LRRC2: variants seen among roughly 807,000 people sequenced by gnomAD.
The protein encoded by LRRC2 is leucine rich repeat containing 2, also known as leucine-rich repeat-containing protein 2.
In LRRC2, 27 loss-of-function variants were observed where a neutral mutation model predicts 40.2. The ratio of observed to expected loss-of-function variants is 0.67; its 90% CI spans 0.49 to 0.93. The LOEUF (loss-of-function observed/expected upper bound fraction) is 0.93. LRRC2 is among the 40% of genes least tolerant of loss of function. The pLI is 0.00. For missense variants in LRRC2, 402 were observed against 439.6 expected, an observed-to-expected ratio of 0.91 and a Z score of 0.76; for synonymous variants, 147 against 158.9, an observed-to-expected ratio of 0.92 and a Z score of 0.56.
chr3:46,543,830 T>C (rs1704459608), intron 3 of LRRC2, among the ~76,000 whole-genome samples: 1 of 151,910 alleles, frequency 6.6e-6, no homozygotes, highest in African/African-American at 2.4e-5. Flanking sequence ...TGCCCTAGAA[T>C]AGGCAGCCCG....
At chr3:46,561,268 G>A (rs527815548) in intron 1 of LRRC2, among the ~76,000 whole-genome samples, 1 of 152,292 alleles carries the variant, frequency 6.6e-6, no homozygotes, top group South Asian at 2.1e-4. Context: ...GCTGGGTGCA[G>A]TGGCTCCCAC....
intron 6 of LRRC2, 91 bp downstream of exon 6, chr3:46,529,814 C>T: frequency 1.5e-6 from 2 of 1,304,450 alleles, no homozygotes; most frequent in Non-Finnish European, 2.1e-6. Context: ...TTCCAAAGAA[C>T]ATTCATGTAC....
At chr3:46,541,129 C>A (rs1482099253) in intron 3 of LRRC2, among the ~76,000 whole-genome samples, 2 of 151,998 alleles carry the variant, frequency 1.3e-5, no homozygotes, top group Non-Finnish European at 2.9e-5. Context: ...GTCAGGAGAT[C>A]GAGACCATCC....
chr3:46,552,214 A>G (rs1704671934), intron 1 of LRRC2, among the ~76,000 whole-genome samples: 1 of 152,078 alleles, frequency 6.6e-6, no homozygotes, highest in Non-Finnish European at 1.5e-5. Flanking sequence ...ATTCACTAGT[A>G]TATGTACCTA....
At chr3:46,547,474 CCT>C (rs1483844097) in intron 2 of LRRC2, among the ~76,000 whole-genome samples, 2 of 151,670 alleles carry the variant, frequency 1.3e-5, no homozygotes, top group Admixed American at 1.3e-4. Context: ...AAGTGAGACC[CCT>C]GTCTCTACAA....
At chr3:46,541,192 G>C (rs1704380786) in intron 3 of LRRC2, among the ~76,000 whole-genome samples, 1 of 152,058 alleles carries the variant, frequency 6.6e-6, no homozygotes, top group Admixed American at 6.5e-5. Flanking sequence ...CATTAGCCGG[G>C]CGTGGTGGCG....
chr3:46,519,409 G>A (rs551524069), intron 8 of LRRC2, among the ~76,000 whole-genome samples: 2 of 152,274 alleles, frequency 1.3e-5, no homozygotes, highest in Admixed American at 6.5e-5. Flanking sequence ...CACGGACTTG[G>A]GACTGTGGCT....
In LRRC2 at chr3:46,517,297, T is replaced by A. The variant is rs922158435; in HGVS notation, c.*1717A>T. The A allele has an allele frequency of 2.0e-5, 3 of 150,834 alleles. No homozygotes were observed. The highest frequency in any genetic ancestry group is 7.3e-5 in the African/African-American group (3 of 41,016). 9.3% of individuals were successfully genotyped at this position (150,834 alleles called of 1,614,324 possible). A position where few individuals can be genotyped will look rare whatever the true frequency, so the allele number is the denominator to read the frequency against. On this transcript the variant is annotated 3_prime_UTR_variant, in exon 9 of 9. Coordinates refer to ENST00000395905, the MANE Select transcript of LRRC2 (RefSeq NM_024512.5). ...CTGCTTGTTTTTGTTTTTTTTTTTT[T>A]AGTTATAACAATAATAATATTGTTA...
intron 2 of LRRC2, among the ~76,000 whole-genome samples, chr3:46,550,914 C>T (rs1477329148): frequency 6.6e-6 from 1 of 152,224 alleles, no homozygotes; most frequent in Non-Finnish European, 1.5e-5. Flanking sequence ...AACCTTTCTA[C>T]CTTGTAGATT....
intron 6 of LRRC2, among the ~76,000 whole-genome samples, chr3:46,527,805 G>A (rs749542328): frequency 6.6e-6 from 1 of 151,714 alleles, no homozygotes; most frequent in Non-Finnish European, 1.5e-5. Flanking sequence ...TCGGCTCACT[G>A]CAGCCTCAAC....
At chr3:46,532,707 T>G in intron 5 of LRRC2, 66 bp downstream of exon 5, 17 of 1,512,274 alleles carry the variant, frequency 1.1e-5, no homozygotes, top group Non-Finnish European at 1.4e-5. Flanking sequence ...CTTGCCATAT[T>G]ATAGACCATT....
At chr3:46,522,760 AACACACACACACACAC>A (rs71098411) in intron 7 of LRRC2, among the ~76,000 whole-genome samples, 39,774 of 143,360 alleles carry the variant, frequency 0.28, 6,180 homozygotes, top group East Asian at 0.41. Context: ...AACTACTGCT[AACACACACACACACAC>A]ACACACACAC....
At chr3:46,542,573 T>G (rs533339476) in intron 3 of LRRC2, among the ~76,000 whole-genome samples, 125 of 149,220 alleles carry the variant, frequency 8.4e-4, no homozygotes, top group African/African-American at 2.9e-3. Context: ...AGAAAAGCCA[T>G]TACCCTGCAA....
intron 1 of LRRC2, among the ~76,000 whole-genome samples, chr3:46,556,641 T>C (rs1704805218): frequency 6.8e-6 from 1 of 146,072 alleles, no homozygotes; most frequent in East Asian, 2.1e-4. Context: ...TGCAGCGGCG[T>C]GATCTCCAAT....
At chr3:46,521,950 A>C (rs1444670306) in intron 7 of LRRC2, among the ~76,000 whole-genome samples, 1 of 152,224 alleles carries the variant, frequency 6.6e-6, no homozygotes, top group Non-Finnish European at 1.5e-5. Context: ...ACCTCCTCTC[A>C]GGCAGATCCT....
rs1364770800 is a variant in LRRC2, at chr3:46,518,283, CTCTT to C, written c.*727_*730del. The C allele has an allele frequency of 6.6e-6, 1 of 152,090 alleles. No homozygotes were observed. Among genetic ancestry groups the C allele is most frequent in the Non-Finnish European group, 1.5e-5 (1 of 68,006 alleles). 9.4% of individuals were successfully genotyped at this position (152,090 alleles called of 1,614,324 possible). On this transcript the variant is annotated 3_prime_UTR_variant, in exon 9 of 9. Coordinates refer to ENST00000395905, the MANE Select transcript of LRRC2 (RefSeq NM_024512.5). ...GGAAGATTATTCTCAGTAAAAGAAA[CTCTT>C]TCAAAATAACAAAACACTCTCATCT...
At chr3:46,559,094 G>T (rs1704878752) in intron 1 of LRRC2, 1 of 152,098 alleles carries the variant, frequency 6.6e-6, no homozygotes, top group Non-Finnish European at 1.5e-5. Flanking sequence ...AAAAATGATA[G>T]GTAAAAGAAG....
chr3:46,539,001 C>T (rs1559413854), intron 4 of LRRC2, 44 bp downstream of exon 4: 2 of 1,590,808 alleles, frequency 1.3e-6, no homozygotes, highest in Admixed American at 3.5e-5. Flanking sequence ...CAGCTGCCTG[C>T]TTAACACACC....
chr3:46,551,478 G>T lies in LRRC2; in HGVS notation c.114C>A (p.Ser38Arg). 6.2e-7 allele frequency: 1 copy of T among 1,612,320 alleles called. No homozygotes were observed. The highest frequency in any genetic ancestry group is 1.1e-5 in the South Asian group (1 of 90,474). Residue 38 changes from serine to arginine, a missense_variant, in exon 2 of 9, where the codon AGC (serine) becomes AGA (arginine). Physicochemically the swap from Ser to Arg is moderately radical, Grantham distance 110. Transcript: ENST00000395905. ...GAGAAAACACGTACTTCTCCAAGGCGCTCTTCTCAAGCCTTTCCACCTCCT... is the reference window on the plus strand; with the variant it reads ...GAGAAAACACGTACTTCTCCAAGGCTCTCTTCTCAAGCCTTTCCACCTCCT... ...QKKEVERLEK[S>R]ALEKIKEEWN...
Sources: gnomAD v4.1 joint callset for allele counts (sites outside exome capture counted in the v4.1 genomes callset) on GRCh38, gnomAD v4.1.1 for gene constraint, MANE v1.5 for transcripts, NCBI Gene and HGNC (gene_info 2026-07-23, HGNC 2026-07-21) for gene names.